The following SHQ1 variants were observed in gnomAD, a reference collection of about 807,000 sequenced individuals.
SHQ1 encodes the protein protein SHQ1 homolog.
A neutral mutation model predicts 53.8 loss-of-function variants in SHQ1; 49 were observed. That is an observed-to-expected ratio of 0.91 (90% confidence interval 0.72 to 1.16). SHQ1 has a LOEUF of 1.16. Among genes scored for constraint, SHQ1 ranks in the 50% most tolerant of loss-of-function variants. The probability of loss-of-function intolerance (pLI) is 0.00; values close to 1 mark genes in which losing one functional copy is unlikely to be tolerated. For synonymous variants in SHQ1, 243 were observed against 251.0 expected (o/e 0.97, Z 0.30); for missense variants, 738 against 683.1 (o/e 1.08, Z -0.90).
At chr3:72,811,037 A>G (rs190769877) in intron 9 of SHQ1, among the ~76,000 whole-genome samples, 3 of 152,364 alleles carry the variant, frequency 2.0e-5, no homozygotes, top group Non-Finnish European at 4.4e-5. Context: ...AAACTGGGTA[A>G]TTGATTCCTG....
Position 72,842,319 on chromosome 3 carries a change from T to C in SHQ1, c.292A>G (p.Arg98Gly). The change falls in exon 3 of 11, where the codon AGA (arginine) becomes GGA (glycine). Residue 98 changes from arginine (R) to glycine (G), a missense_variant. Physicochemically the swap from Arg to Gly is moderately radical, Grantham distance 125. Transcript: ENST00000325599. The stretch of plus-strand genomic sequence containing the variant: ...AGTGGTTTTGCTGTCCTGGATTTTC[T>C]TGGTGCCAGAAGAGCAGTTAACATG... ...LNMLTALLAP[R>G]KSRTAKPLVE... 1.9e-6 allele frequency: 3 copies of C among 1,614,008 alleles called. No homozygotes were observed. The highest frequency in any genetic ancestry group is 2.5e-6 in the Non-Finnish European group (3 of 1,179,894).
At chr3:72,728,270 G>T in the SHQ1 span, among the ~76,000 whole-genome samples, 1 of 152,196 alleles carries the variant, frequency 6.6e-6, no homozygotes, top group Admixed American at 6.5e-5. Flanking sequence ...AACCCCTCTG[G>T]GTTGATGGGG....
chr3:72,780,217 G>C (rs923425760), intron 10 of SHQ1, among the ~76,000 whole-genome samples: 2 of 152,144 alleles, frequency 1.3e-5, no homozygotes, highest in Non-Finnish European at 2.9e-5. Context: ...GCCACATTCA[G>C]AACACAAGCT....
intron 10 of SHQ1, among the ~76,000 whole-genome samples, chr3:72,783,946 G>A (rs1411019535): frequency 6.6e-6 from 1 of 151,766 alleles, no homozygotes; most frequent in South Asian, 2.1e-4. Context: ...AAGGACATTA[G>A]GTAAAAACTA....
chr3:72,824,722 ATAAGT>A (rs1008892586), intron 5 of SHQ1, among the ~76,000 whole-genome samples, 171 bp from the exon 6 acceptor site: 2 of 152,110 alleles, frequency 1.3e-5, no homozygotes, highest in East Asian at 1.9e-4. Context: ...AACCACAAAC[ATAAGT>A]TATTTACCAT....
In SHQ1 at chr3:72,812,730, T is replaced by C. The variant is rs770780336; in HGVS notation, c.1001A>G (p.Tyr334Cys). ...CTTCATCACCAGCTTGAAATGGCGATAGAGTGGGTAACACAACACCCTTCT... is the reference window on the plus strand; with the variant it reads ...CTTCATCACCAGCTTGAAATGGCGACAGAGTGGGTAACACAACACCCTTCT... The part of the protein sequence containing the change: ...FGRRVLCYPL[Y>C]RHFKLVMKAY... Residue 334 changes from tyrosine to cysteine, a missense_variant, in exon 9 of 11, where the codon TAT becomes TGT. Physicochemically the swap from Tyr to Cys is radical, Grantham distance 194. Coordinates refer to ENST00000325599, the MANE Select transcript of SHQ1 (RefSeq NM_018130.3). The C allele has an allele frequency of 4.3e-6, 7 of 1,613,948 alleles. No individual in the cohort carries two copies. The African/African-American group carries it at 6.7e-5, about 15-fold the overall frequency.
Position 72,844,363 on chromosome 3 carries a change from A to G in SHQ1, c.204T>C (p.Asp68=). 1 of 1,613,426 alleles carries G rather than the reference A, an allele frequency of 6.2e-7. No homozygotes were observed. Among genetic ancestry groups the G allele is most frequent in the Non-Finnish European group, 8.5e-7 (1 of 1,179,508 alleles). The change falls in exon 2 of 11, where the codon GAT becomes GAC. Residue 68 remains aspartate (D), a synonymous_variant. Transcript: ENST00000325599. ...CAAAAATTCCAAAGACAATACCTTT[A>G]TCTGCATCATAGGACCCTTGCTCAC... is the stretch of plus-strand genomic sequence containing the variant. ...NGSEQGSYDA[D]KGIFTIRLPK...
At chr3:72,820,923 C>T (rs1707456340) in intron 6 of SHQ1, among the ~76,000 whole-genome samples, 1 of 152,154 alleles carries the variant, frequency 6.6e-6, no homozygotes, top group African/African-American at 2.4e-5. Flanking sequence ...AAGATGTCTG[C>T]AAGGTAGTCA....
At position 72,750,846 on chromosome 3, in the gene SHQ1, A is replaced by T; in HGVS notation, c.1182-10T>A. 1.3e-6 allele frequency: 2 copies of T among 1,496,180 alleles called. No individual in the cohort carries two copies. Among genetic ancestry groups the T allele is most frequent in the Non-Finnish European group, 1.8e-6 (2 of 1,123,424 alleles). The allele number at this position is 1,496,180 out of a possible 1,614,324, so 92.7% of individuals were successfully genotyped here. ...TGCCAACTTTTTGGATCTTGAAAACATTTTAAAAAGAAAGATTAGAATTAT... is the reference window on the plus strand; with the variant it reads ...TGCCAACTTTTTGGATCTTGAAAACTTTTTAAAAAGAAAGATTAGAATTAT... On this transcript the variant is annotated splice_polypyrimidine_tract_variant and intron_variant, in intron 10 of 10. Coordinates refer to ENST00000325599, the MANE Select transcript of SHQ1 (RefSeq NM_018130.3).
rs971165391 is a variant in SHQ1 at position 72,848,444 on chromosome 3, G to C, written c.-104C>G. On this transcript the variant is annotated 5_prime_UTR_variant, in exon 1 of 11. Coordinates refer to ENST00000325599, the MANE Select transcript of SHQ1 (RefSeq NM_018130.3). ...CACGCGCAGGAACTCTCGGTGTGAGGGACGGAGCTTCCGGCTCGAGGCGGA... is the reference window on the plus strand; with the variant it reads ...CACGCGCAGGAACTCTCGGTGTGAGCGACGGAGCTTCCGGCTCGAGGCGGA... The C allele has an allele frequency of 6.6e-7, 1 of 1,514,666 alleles. No homozygotes were observed. Among genetic ancestry groups the C allele is most frequent in the Non-Finnish European group, 8.8e-7 (1 of 1,136,474 alleles). 93.8% of individuals were successfully genotyped at this position (1,514,666 alleles called of 1,614,324 possible).
chr3:72,837,154 A>G (rs1398511863), intron 4 of SHQ1, among the ~76,000 whole-genome samples: 2 of 152,164 alleles, frequency 1.3e-5, no homozygotes, highest in Non-Finnish European at 2.9e-5. Context: ...GACTTTGAGC[A>G]GCTAGGGCAG....
In SHQ1 at chr3:72,804,888, A is replaced by G. The variant is rs370137500; in HGVS notation, c.1060+7783T>C. 5.3e-5 allele frequency among the ~76,000 whole-genome samples: 8 copies of G among 152,310 alleles called. No homozygotes were observed. In the South Asian group the frequency reaches 1.7e-3, roughly 32 times the overall value. The stretch of plus-strand genomic sequence containing the variant: ...ATAAATGAAACTCTAAATTACCTAA[A>G]TATATACATAATCAGGTGTTGCTTA... On this transcript the variant is annotated intron_variant, in intron 9 of 10. Transcript: ENST00000325599.
At chr3:72,758,442 G>A (rs1292711194) in intron 10 of SHQ1, among the ~76,000 whole-genome samples, 3 of 151,826 alleles carry the variant, frequency 2.0e-5, no homozygotes, top group African/African-American at 7.3e-5. Flanking sequence ...TGGATCAGCA[G>A]AATCATTTTC....
rs377070691 is a variant in SHQ1, at chr3:72,749,346, G to A, written c.*938C>T. ...ACTGGAAACAACCCAGGTGTCCATC[G>A]ATAGGTCAATGAACAAATCTATTCA... is the stretch of plus-strand genomic sequence containing the variant. On this transcript the variant is annotated 3_prime_UTR_variant, in exon 11 of 11. Transcript: ENST00000325599. The A allele has an allele frequency of 8.3e-5, 19 of 229,408 alleles. No homozygotes were observed. Among genetic ancestry groups the A allele is most frequent in the Middle Eastern group, 1.3e-3 (1 of 766 alleles). The allele number at this position is 229,408 out of a possible 1,614,324, so 14.2% of individuals were successfully genotyped here.
intron 1 of SHQ1, 151 bp downstream of exon 1, chr3:72,848,047 G>A (rs1487678081): frequency 6.7e-6 from 6 of 899,418 alleles, no homozygotes; most frequent in South Asian, 3.2e-5. Flanking sequence ...ACCCCTGGAA[G>A]AGGGCAGTTC....
chr3:72,807,209 G>A (rs1215670528), intron 9 of SHQ1, among the ~76,000 whole-genome samples: 1 of 152,168 alleles, frequency 6.6e-6, no homozygotes, highest in African/African-American at 2.4e-5. Flanking sequence ...TGACTTAAAT[G>A]TAGGTCAGTT....
In SHQ1 at chr3:72,832,106, G is replaced by A. The variant is rs148359408; in HGVS notation, c.599+263C>T. 1.4e-3 allele frequency among the ~76,000 whole-genome samples: 207 copies of A among 152,220 alleles called. 1 individual carries two copies. Among genetic ancestry groups the A allele is most frequent in the African/African-American group, 4.6e-3 (192 of 41,546 alleles). On this transcript the variant is annotated intron_variant, in intron 5 of 10. Transcript: ENST00000325599. ...CATGAATTCAGTATTATATTTTTAA[G>A]CCTGGCGAGAAAAAAACTAAAAAGT...
At chr3:72,728,233 G>A in the SHQ1 span, among the ~76,000 whole-genome samples, 2,480 of 152,288 alleles carry the variant, frequency 0.016, 74 homozygotes, top group African/African-American at 0.057. Flanking sequence ...AAAGCAAGGC[G>A]GTGCTTTTGT....
At chr3:72,842,727 A>T (rs1274598504) in intron 2 of SHQ1, among the ~76,000 whole-genome samples, 2 of 152,264 alleles carry the variant, frequency 1.3e-5, no homozygotes, top group Non-Finnish European at 2.9e-5. Flanking sequence ...AATACAAGTC[A>T]AGATAGAAAA....
Sources: allele counts gnomAD v4.1 joint callset (sites outside exome capture counted in the v4.1 genomes callset), GRCh38; gene constraint gnomAD v4.1.1; transcripts MANE v1.5; gene names NCBI Gene and HGNC (gene_info 2026-07-23, HGNC 2026-07-21).